The following OR7E24 variants were observed in gnomAD, a reference collection of about 807,000 sequenced individuals.
OR7E24 encodes olfactory receptor family 7 subfamily E member 24.
For missense variants in OR7E24, 385 were observed against 410.3 expected, an observed-to-expected ratio of 0.94 and a Z score of 0.53; for synonymous variants, 130 against 157.5, an observed-to-expected ratio of 0.83 and a Z score of 1.31.
chr19:9,239,567 G>GT, the OR7E24 span, among the ~76,000 whole-genome samples: 1 of 152,004 alleles, frequency 6.6e-6, no homozygotes, highest in Non-Finnish European at 1.5e-5. Context: ...GAAGCTGAGT[G>GT]TTTTTTCATA....
rs373369167 is a variant in OR7E24, at chr19:9,251,927, T to C, written c.884T>C (p.Met295Thr). The change falls in exon 1 of 1, where the codon ATG (methionine) becomes ACG (threonine). Residue 295 changes from methionine to threonine, a missense_variant. Transcript: ENST00000456448. ...AGGAAGAGTATGGTGGCTTCAGTGATGTACACTGTGGTCACCCCCATGCTG... is the reference window on the plus strand; with the variant it reads ...AGGAAGAGTATGGTGGCTTCAGTGACGTACACTGTGGTCACCCCCATGCTG... ...SPRKSMVASV[M>T]YTVVTPMLNP... is the part of the protein sequence containing the mutation. 7.6e-5 allele frequency: 123 copies of C among 1,614,190 alleles called. 1 individual carries two copies. The highest frequency in any genetic ancestry group is 6.6e-4 in the Middle Eastern group (4 of 6,062).
chr19:9,251,568 G>C lies in OR7E24; in HGVS notation c.525G>C (p.Gln175His), dbSNP rs759302856. Residue 175 changes from glutamine (Q) to histidine (H), a missense_variant, in exon 1 of 1, where the codon CAG becomes CAC. Coordinates refer to ENST00000456448, the MANE Select transcript of OR7E24 (RefSeq NM_001079935.2). ...LSFFISLLDS[Q>H]LHNLIMLQLT... ...TTTTTATTAGTCTTTTGGACTCCCA[G>C]TTGCACAATTTGATTATGTTACAGC... 1 of 1,613,908 alleles carries C rather than the reference G, an allele frequency of 6.2e-7. No individual in the cohort carries two copies. The highest frequency in any genetic ancestry group is 1.1e-5 in the South Asian group (1 of 91,060).
At chr19:9,233,332 G>T in the OR7E24 span, among the ~76,000 whole-genome samples, 1 of 152,078 alleles carries the variant, frequency 6.6e-6, no homozygotes, top group African/African-American at 2.4e-5. Context: ...TTTCTAGGAT[G>T]ACATGATTTA....
chr19:9,215,066 C>T, the OR7E24 span, among the ~76,000 whole-genome samples: 20,601 of 151,908 alleles, frequency 0.14, 2,136 homozygotes, highest in African/African-American at 0.27. Flanking sequence ...TCTCTTTGGC[C>T]GGGCATGGTG....
chr19:9,250,551 G>A (rs2066142305), upstream of OR7E24, among the ~76,000 whole-genome samples: 1 of 152,106 alleles, frequency 6.6e-6, no homozygotes, highest in Non-Finnish European at 1.5e-5. Flanking sequence ...GAATATAACT[G>A]GTATGTAAAG....
At chr19:9,222,592 T>G in the OR7E24 span, among the ~76,000 whole-genome samples, 1 of 152,164 alleles carries the variant, frequency 6.6e-6, no homozygotes, top group South Asian at 2.1e-4. Flanking sequence ...GTTGATTTCT[T>G]TTTTGAGTAG....
chr19:9,235,422 C>T, the OR7E24 span: 15 of 1,605,260 alleles, frequency 9.3e-6, no homozygotes, highest in Non-Finnish European at 1.3e-5. Flanking sequence ...AAGACATCTC[C>T]TACATGGGGT....
the OR7E24 span, among the ~76,000 whole-genome samples, chr19:9,223,169 C>T: frequency 6.6e-6 from 1 of 152,308 alleles, no homozygotes; most frequent in Non-Finnish European, 1.5e-5. Context: ...ATAGAAGGAG[C>T]CCCATGTGGT....
the OR7E24 span, among the ~76,000 whole-genome samples, chr19:9,230,046 ATT>A: frequency 0.037 from 5,291 of 142,992 alleles, 234 homozygotes; most frequent in African/African-American, 0.11. Context: ...AAGTTCCTGT[ATT>A]TTTTTTTTTT....
chr19:9,223,623 C>T, the OR7E24 span, among the ~76,000 whole-genome samples: 1 of 152,072 alleles, frequency 6.6e-6, no homozygotes, highest in Non-Finnish European at 1.5e-5. Flanking sequence ...CTATACACCC[C>T]TTTTTCAGGG....
At chr19:9,236,869 A>G in the OR7E24 span, among the ~76,000 whole-genome samples, 1 of 152,210 alleles carries the variant, frequency 6.6e-6, no homozygotes, top group Admixed American at 6.5e-5. Context: ...TAAAATATTC[A>G]AAGCAAAGTA....
At chr19:9,208,429 A>C in the OR7E24 span, 1 of 152,214 alleles carries the variant, frequency 6.6e-6, no homozygotes. Context: ...CTGATGAAAT[A>C]AAGCTGCTTT....
chr19:9,251,829 C>A lies in OR7E24; in HGVS notation c.786C>A (p.His262Gln). 2.5e-6 allele frequency: 4 copies of A among 1,613,796 alleles called. No homozygotes were observed. Among genetic ancestry groups the A allele is most frequent in the Non-Finnish European group, 3.4e-6 (4 of 1,179,802 alleles). The change falls in exon 1 of 1, where the codon CAC (histidine) becomes CAA (glutamine). Residue 262 changes from histidine (H) to glutamine (Q), a missense_variant. Physicochemically the swap from His to Gln is conservative, Grantham distance 24. Transcript: ENST00000456448. The stretch of plus-strand genomic sequence containing the variant: ...AAGCCTTCTCCACCTGTGGCTCTCA[C>A]CTGGCAGTTGTTTGCTTATTTTATG... Reference protein sequence around the residue: ...KYKAFSTCGSHLAVVCLFYGT... With the variant: ...KYKAFSTCGSQLAVVCLFYGT...
chr19:9,223,970 C>A, the OR7E24 span, among the ~76,000 whole-genome samples: 1 of 151,886 alleles, frequency 6.6e-6, no homozygotes, highest in Middle Eastern at 3.2e-3. Context: ...CGTGCCTCCG[C>A]CTCCCGATTA....
chr19:9,216,527 C>T, the OR7E24 span, among the ~76,000 whole-genome samples: 1 of 152,060 alleles, frequency 6.6e-6, no homozygotes, highest in Admixed American at 6.6e-5. Context: ...TGAGATTATC[C>T]ATGTCATTTG....
chr19:9,236,029 G>T, the OR7E24 span: 2 of 1,610,020 alleles, frequency 1.2e-6, no homozygotes, highest in Non-Finnish European at 1.7e-6. Flanking sequence ...GAGGAACAAG[G>T]ATGTGAAGGG....
At chr19:9,231,089 T>G in the OR7E24 span, among the ~76,000 whole-genome samples, 5 of 152,038 alleles carry the variant, frequency 3.3e-5, no homozygotes, top group African/African-American at 1.2e-4. Context: ...TTTTGTATTT[T>G]TAGTATTTTT....
At chr19:9,250,901 A>T, upstream of OR7E24, 1 of 639,538 alleles carries the variant, frequency 1.6e-6, no homozygotes, top group Non-Finnish European at 2.7e-6. Context: ...AATAACACAA[A>T]ATCAATTATG....
At chr19:9,236,128 C>A in the OR7E24 span, 1 of 986,118 alleles carries the variant, frequency 1.0e-6, no homozygotes, top group Non-Finnish European at 1.6e-6. Context: ...GTCCCTTAAG[C>A]AAATGTGAAT....
Sources: allele counts gnomAD v4.1 joint callset (sites outside exome capture counted in the v4.1 genomes callset), GRCh38; gene constraint gnomAD v4.1.1; transcripts MANE v1.5; gene names NCBI Gene and HGNC (gene_info 2026-07-23, HGNC 2026-07-21).